Variants in CEP63 observed in about 807,000 individuals in gnomAD.
CEP63 encodes centrosomal protein 63, also known as centrosomal protein of 63 kDa.
A neutral mutation model predicts 89.1 loss-of-function variants in CEP63; 84 were observed. The observed-to-expected ratio is 0.94, with a 90% CI of 0.79 to 1.13. The LOEUF (loss-of-function observed/expected upper bound fraction) is 1.13, where lower values mean the gene tolerates loss of function less well. Among genes scored for constraint, CEP63 ranks in the 50% most tolerant of loss-of-function variants. The probability of loss-of-function intolerance (pLI) is 0.00; values close to 1 mark genes in which losing one functional copy is unlikely to be tolerated. For missense variants in CEP63, 838 were observed against 813.3 expected (o/e 1.03, Z -0.37); for synonymous variants, 267 against 272.5 (o/e 0.98, Z 0.20).
At chr3:134,565,067 C>G (rs2110237878), downstream of CEP63, 1 of 673,000 alleles carries the variant, frequency 1.5e-6, no homozygotes, top group South Asian at 6.7e-5. Flanking sequence ...TTTCCAAAAT[C>G]TGTCCGTGAT....
At chr3:134,589,724 C>A (rs907469866), downstream of CEP63, among the ~76,000 whole-genome samples, 5 of 152,096 alleles carry the variant, frequency 3.3e-5, no homozygotes, top group African/African-American at 1.2e-4. Flanking sequence ...AAATACCATT[C>A]GACCCAGCAA....
the CEP63 span, among the ~76,000 whole-genome samples, chr3:134,746,291 T>C: frequency 6.6e-6 from 1 of 152,214 alleles, no homozygotes; most frequent in Non-Finnish European, 1.5e-5. Flanking sequence ...ATGGTGTATA[T>C]GTGCCACATT....
chr3:134,594,817 A>G, the CEP63 span, among the ~76,000 whole-genome samples: 1 of 152,242 alleles, frequency 6.6e-6, no homozygotes, highest in African/African-American at 2.4e-5. Flanking sequence ...AATGCAAGGC[A>G]CTGTTTAATC....
Position 134,510,897 on chromosome 3 carries a change from C to A in CEP63, c.222+3611C>A, listed in dbSNP as rs928920148. The A allele has an allele frequency of 9.9e-5, 20 of 203,004 alleles. No individual in the cohort carries two copies. In the East Asian group the frequency reaches 1.6e-3, roughly 16 times the overall value. 12.6% of individuals were successfully genotyped at this position (203,004 alleles called of 1,614,324 possible). On this transcript the variant is annotated intron_variant, in intron 3 of 14. Coordinates refer to ENST00000675561, the MANE Select transcript of CEP63 (RefSeq NM_001353108.3). ...ACTCTTCCAAGGCAGGCAGCACCCC[C>A]CCAAGAGGGAAGAGCCATCTCAGGA... is the stretch of plus-strand genomic sequence containing the variant.
downstream of CEP63, among the ~76,000 whole-genome samples, chr3:134,589,914 G>T (rs1228745580): frequency 6.6e-6 from 1 of 152,156 alleles, no homozygotes; most frequent in East Asian, 1.9e-4. Context: ...ATACTATGAA[G>T]CCATAAAAAA....
At chr3:134,607,037 A>G in the CEP63 span, 1 of 984,636 alleles carries the variant, frequency 1.0e-6, no homozygotes, top group Non-Finnish European at 1.2e-6. Flanking sequence ...TTAGATTTCT[A>G]TAAATTAAGG....
chr3:134,489,063 GAGA>G (rs1482978859), intron 1 of CEP63, among the ~76,000 whole-genome samples: 1 of 150,986 alleles, frequency 6.6e-6, no homozygotes, highest in Non-Finnish European at 1.5e-5. Flanking sequence ...GCTGAGGCAG[GAGA>G]AGGAGAATCG....
At chr3:134,533,893 A>AT (rs2109103423) in intron 5 of CEP63, among the ~76,000 whole-genome samples, 1 of 152,228 alleles carries the variant, frequency 6.6e-6, no homozygotes, top group Admixed American at 6.5e-5. Context: ...TTATATCTCA[A>AT]TATTTTTTTA....
chr3:134,713,368 G>A, the CEP63 span, among the ~76,000 whole-genome samples: 2 of 151,780 alleles, frequency 1.3e-5, no homozygotes, highest in East Asian at 3.8e-4. Context: ...GACACATGGG[G>A]GAGGTCTGCT....
intron 12 of CEP63, among the ~76,000 whole-genome samples, chr3:134,556,248 G>A (rs917245381): frequency 1.3e-5 from 2 of 151,594 alleles, no homozygotes; most frequent in Non-Finnish European, 2.9e-5. Context: ...CAAAAGCAAT[G>A]GCAACAAAAG....
At chr3:134,762,960 A>G in the CEP63 span, among the ~76,000 whole-genome samples, 2 of 152,174 alleles carry the variant, frequency 1.3e-5, no homozygotes, top group Non-Finnish European at 2.9e-5. Flanking sequence ...CAGAAAGCTC[A>G]TCATTCAACT....
intron 2 of CEP63, among the ~76,000 whole-genome samples, chr3:134,500,017 G>A (rs1449895304): frequency 6.6e-6 from 1 of 151,794 alleles, no homozygotes; most frequent in Admixed American, 6.6e-5. Context: ...GTAGAGATGG[G>A]ATTTCGCCAT....
chr3:134,738,961 T>TATA, the CEP63 span, among the ~76,000 whole-genome samples: 1 of 74,210 alleles, frequency 1.3e-5, no homozygotes, highest in East Asian at 7.1e-4. Flanking sequence ...CTTGGATGGC[T>TATA]ATAATAAAAA....
the CEP63 span, among the ~76,000 whole-genome samples, chr3:134,676,794 G>A: frequency 7.4e-3 from 1,120 of 152,264 alleles, 11 homozygotes; most frequent in African/African-American, 0.026. Flanking sequence ...TGCTTCCTAG[G>A]TTGGGGTGGG....
At chr3:134,516,530 C>A (rs1007953173) in intron 3 of CEP63, among the ~76,000 whole-genome samples, 1 of 152,128 alleles carries the variant, frequency 6.6e-6, no homozygotes, top group African/African-American at 2.4e-5. Flanking sequence ...CCCATGAGGC[C>A]GAATTTCAGA....
At chr3:134,572,330 G>T (rs1478275474) in intron 11 of CEP63, among the ~76,000 whole-genome samples, 1 of 152,112 alleles carries the variant, frequency 6.6e-6, no homozygotes, top group Non-Finnish European at 1.5e-5. Context: ...TGATGCTGAG[G>T]TTTGGGATAT....
chr3:134,585,557 T>G (rs1297459634), intron 10 of CEP63, among the ~76,000 whole-genome samples: 1 of 152,140 alleles, frequency 6.6e-6, no homozygotes, highest in Non-Finnish European at 1.5e-5. Flanking sequence ...GTCTGAGAGA[T>G]AGTTTGTTGT....
the CEP63 span, among the ~76,000 whole-genome samples, chr3:134,782,347 T>C: frequency 6.6e-6 from 1 of 152,198 alleles, no homozygotes; most frequent in Non-Finnish European, 1.5e-5. Flanking sequence ...TAATTACTGA[T>C]TCAAATTCTT....
chr3:134,603,649 A>T, the CEP63 span: 1 of 1,613,170 alleles, frequency 6.2e-7, no homozygotes, highest in Non-Finnish European at 8.5e-7. Flanking sequence ...CAGCACCATG[A>T]CATAGACTTC....
Sources: allele counts gnomAD v4.1 joint callset (sites outside exome capture counted in the v4.1 genomes callset), GRCh38; gene constraint gnomAD v4.1.1; transcripts MANE v1.5; gene names NCBI Gene and HGNC (gene_info 2026-07-23, HGNC 2026-07-21).